Variants in LRRTM4 observed in about 807,000 individuals in gnomAD.
LRRTM4 encodes the protein leucine rich repeat transmembrane neuronal 4.
LRRTM4 carries 25 observed loss-of-function variants against 47.6 expected under a neutral mutation model. That is an observed-to-expected ratio of 0.53 (90% CI 0.38 to 0.73). LRRTM4 has a LOEUF of 0.73. Ranked by LOEUF, LRRTM4 falls within the 30% of genes least tolerant of loss-of-function variation. The pLI is 0.00. For missense variants in LRRTM4, 638 were observed against 713.4 expected, an observed-to-expected ratio of 0.89 and a Z score of 1.20; for synonymous variants, 311 against 269.5, an observed-to-expected ratio of 1.15 and a Z score of -1.51.
chr2:77,223,254 A>G (rs1336329804), intron 3 of LRRTM4, among the ~76,000 whole-genome samples: 1 of 152,230 alleles, frequency 6.6e-6, no homozygotes, highest in Non-Finnish European at 1.5e-5. Context: ...CCAGTATCAT[A>G]CTGAATGCAC....
chr2:77,263,739 G>A (rs1001352029), intron 3 of LRRTM4, among the ~76,000 whole-genome samples: 1 of 152,048 alleles, frequency 6.6e-6, no homozygotes, highest in African/African-American at 2.4e-5. Flanking sequence ...CCTGGCTAAT[G>A]TAGTGTAAAT....
chr2:77,236,144 T>A (rs952401646), intron 3 of LRRTM4, among the ~76,000 whole-genome samples: 2 of 152,172 alleles, frequency 1.3e-5, no homozygotes, highest in African/African-American at 4.8e-5. Flanking sequence ...ATTCTTCTAA[T>A]CCATGAACAT....
chr2:77,327,432 G>A (rs1670818844), intron 3 of LRRTM4, among the ~76,000 whole-genome samples: 1 of 152,164 alleles, frequency 6.6e-6, no homozygotes, highest in Non-Finnish European at 1.5e-5. Flanking sequence ...CCATAACAAT[G>A]AGAAGCTATT....
At chr2:77,320,368 C>T (rs1449250479) in intron 3 of LRRTM4, among the ~76,000 whole-genome samples, 3 of 152,138 alleles carry the variant, frequency 2.0e-5, no homozygotes, top group Admixed American at 6.5e-5. Flanking sequence ...AAGGGAGGTC[C>T]CACCTAATAG....
intron 3 of LRRTM4, among the ~76,000 whole-genome samples, chr2:76,974,808 GCA>G (rs1324051669): frequency 2.0e-5 from 3 of 151,456 alleles, no homozygotes; most frequent in East Asian, 1.9e-4. Context: ...GTTAAATTTT[GCA>G]CAGTTTTTGT....
intron 3 of LRRTM4, among the ~76,000 whole-genome samples, chr2:77,390,893 A>G (rs980681643): frequency 2.6e-5 from 4 of 151,792 alleles, no homozygotes; most frequent in Admixed American, 1.3e-4. Context: ...AATGAATGCA[A>G]AGATTGTTAG....
chr2:77,000,160 T>A (rs114178885), intron 3 of LRRTM4, among the ~76,000 whole-genome samples: 21,283 of 130,576 alleles, frequency 0.16, 1,590 homozygotes, highest in Admixed American at 0.24. Flanking sequence ...AGTATGTCCG[T>A]AGATGGAAAG....
intron 3 of LRRTM4, among the ~76,000 whole-genome samples, chr2:77,368,153 T>C (rs1367495261): frequency 1.3e-5 from 2 of 151,766 alleles, no homozygotes; most frequent in African/African-American, 4.8e-5. Flanking sequence ...TCCTGCAGGA[T>C]TATTTTCCTC....
At chr2:77,023,092 C>A (rs1010393018) in intron 3 of LRRTM4, among the ~76,000 whole-genome samples, 1 of 152,246 alleles carries the variant, frequency 6.6e-6, no homozygotes. Flanking sequence ...CAATTCTTGA[C>A]TTCTGTGTAC....
chr2:77,057,816 G>A (rs1288809772), intron 3 of LRRTM4, among the ~76,000 whole-genome samples: 1 of 152,092 alleles, frequency 6.6e-6, no homozygotes, highest in Non-Finnish European at 1.5e-5. Context: ...CTCTATTAAG[G>A]ATAGATATGA....
intron 3 of LRRTM4, among the ~76,000 whole-genome samples, chr2:76,764,365 C>G (rs1302402310): frequency 6.6e-6 from 1 of 152,226 alleles, no homozygotes; most frequent in Non-Finnish European, 1.5e-5. Flanking sequence ...GGCGCAGTGG[C>G]TCACGCCTGT....
At chr2:77,228,754 A>C (rs1489152679) in intron 3 of LRRTM4, among the ~76,000 whole-genome samples, 1 of 152,224 alleles carries the variant, frequency 6.6e-6, no homozygotes, top group Non-Finnish European at 1.5e-5. Context: ...GAGAAGAGCT[A>C]GTGCTTTCTT....
At chr2:77,139,433 C>A (rs1258206479) in intron 3 of LRRTM4, among the ~76,000 whole-genome samples, 2 of 152,100 alleles carry the variant, frequency 1.3e-5, no homozygotes, top group Non-Finnish European at 1.5e-5. Context: ...AGCCTTCATG[C>A]TAAAAACTCT....
At chr2:77,217,577 A>G (rs1223416601) in intron 3 of LRRTM4, among the ~76,000 whole-genome samples, 2 of 150,770 alleles carry the variant, frequency 1.3e-5, no homozygotes, top group East Asian at 3.9e-4. Flanking sequence ...GTCAATGCAA[A>G]CATGGCTGTT....
At chr2:76,841,786 C>G (rs1671692357) in intron 3 of LRRTM4, among the ~76,000 whole-genome samples, 2 of 151,282 alleles carry the variant, frequency 1.3e-5, no homozygotes, top group South Asian at 2.1e-4. Flanking sequence ...AATAAATAAC[C>G]AATAAAATAT....
chr2:76,942,517 A>T (rs1457771667), intron 3 of LRRTM4, among the ~76,000 whole-genome samples: 2 of 148,614 alleles, frequency 1.3e-5, no homozygotes, highest in Non-Finnish European at 3.0e-5. Flanking sequence ...TGCGATAAAA[A>T]CATTCTCAGA....
rs542337027 is a variant in LRRTM4 at position 76,803,451 on chromosome 2, T to A, written c.1552-54535A>T. 3.3e-5 allele frequency among the ~76,000 whole-genome samples: 5 copies of A among 151,990 alleles called. No individual in the cohort carries two copies. The South Asian group carries it at 1.0e-3, about 32-fold the overall frequency. ...TTATAAGAAAGACAAAAAAGTACAT[T>A]TTGGCGAGGTTGTGGAGAAAAGCAA... On this transcript the variant is annotated intron_variant, in intron 3 of 3. Coordinates refer to ENST00000409884, the MANE Select transcript of LRRTM4 (RefSeq NM_001134745.3).
At chr2:77,423,688 C>T (rs922780333) in intron 3 of LRRTM4, among the ~76,000 whole-genome samples, 2 of 152,128 alleles carry the variant, frequency 1.3e-5, no homozygotes, top group Non-Finnish European at 2.9e-5. Flanking sequence ...TGCAGATAGG[C>T]GGCTAATTCC....
intron 3 of LRRTM4, among the ~76,000 whole-genome samples, chr2:76,804,004 GGAA>G (rs1675837183): frequency 6.6e-6 from 1 of 152,154 alleles, no homozygotes; most frequent in Non-Finnish European, 1.5e-5. Flanking sequence ...CATTGCTTGA[GGAA>G]TTAAGCACTT....
Sources: gnomAD v4.1 joint callset for allele counts (sites outside exome capture counted in the v4.1 genomes callset) on GRCh38, gnomAD v4.1.1 for gene constraint, MANE v1.5 for transcripts, NCBI Gene and HGNC (gene_info 2026-07-23, HGNC 2026-07-21) for gene names.